Variants in DLGAP2 observed in about 807,000 individuals in gnomAD.
DLGAP2 encodes the protein disks large-associated protein 2.
Under a neutral mutation model 100.3 loss-of-function variants are expected in DLGAP2, and 26 were observed. The observed-to-expected ratio is 0.26, with a 90% confidence interval of 0.19 to 0.36. The LOEUF (loss-of-function observed/expected upper bound fraction) is 0.36, where lower values mean the gene tolerates loss of function less well. Ranked by LOEUF, DLGAP2 falls within the 10% of genes least tolerant of loss-of-function variation. DLGAP2 has a pLI of 1.00. For missense variants in DLGAP2, 1,858 were observed against 1,453.2 expected (o/e 1.28, Z -4.53); for synonymous variants, 886 against 630.1 (o/e 1.41, Z -6.08).
chr8:1,584,529 G>A (rs762621156), intron 6 of DLGAP2, among the ~76,000 whole-genome samples: 1 of 152,176 alleles, frequency 6.6e-6, no homozygotes, highest in Non-Finnish European at 1.5e-5. Flanking sequence ...GGAGGGAAGC[G>A]GAGGGGAGAT....
chr8:1,234,900 G>T (rs964975782), intron 2 of DLGAP2, among the ~76,000 whole-genome samples: 3 of 152,078 alleles, frequency 2.0e-5, no homozygotes, highest in African/African-American at 7.2e-5. Context: ...TCCCTCTCAC[G>T]TGGCGCCATA....
At chr8:1,124,202 C>T (rs1796113987) in intron 2 of DLGAP2, among the ~76,000 whole-genome samples, 2 of 152,178 alleles carry the variant, frequency 1.3e-5, no homozygotes, top group African/African-American at 4.8e-5. Context: ...GAACATAGTC[C>T]TTGGTTTCCA....
At chr8:1,645,913 A>C (rs1160216448) in intron 8 of DLGAP2, among the ~76,000 whole-genome samples, 5 of 152,220 alleles carry the variant, frequency 3.3e-5, no homozygotes, top group Admixed American at 6.5e-5. Flanking sequence ...CCAACACGTC[A>C]TATTCCAGCC....
chr8:1,211,200 T>C (rs1259291516), intron 2 of DLGAP2, among the ~76,000 whole-genome samples: 1 of 152,220 alleles, frequency 6.6e-6, no homozygotes, highest in African/African-American at 2.4e-5. Context: ...GCCACCGACC[T>C]GCGGATCCTC....
At position 1,335,223 on chromosome 8, in the gene DLGAP2, A is replaced by G. The variant is rs537826017; in HGVS notation, c.106+76340A>G. On this transcript the variant is annotated intron_variant, in intron 3 of 14. Transcript: ENST00000637795. ...TCTCTCAGTCTACACCGAAGCCATCAGGAGGCTTCGAGCTCCAAACCAGCT... is the reference window on the plus strand; with the variant it reads ...TCTCTCAGTCTACACCGAAGCCATCGGGAGGCTTCGAGCTCCAAACCAGCT... Among the ~76,000 whole-genome samples, 4 of 152,334 alleles carry G rather than the reference A, an allele frequency of 2.6e-5. No individual in the cohort carries two copies. The South Asian group carries it at 8.3e-4, about 32-fold the overall frequency.
intron 1 of DLGAP2, among the ~76,000 whole-genome samples, chr8:842,851 T>C (rs1380140209): frequency 6.6e-6 from 1 of 152,234 alleles, no homozygotes; most frequent in Non-Finnish European, 1.5e-5. Context: ...TAAACGTTTT[T>C]CCCTGAGTTC....
chr8:1,536,714 T>A (rs948118885), intron 4 of DLGAP2, among the ~76,000 whole-genome samples: 1 of 152,220 alleles, frequency 6.6e-6, no homozygotes, highest in African/African-American at 2.4e-5. Context: ...TGGTCTCATA[T>A]TCATTTTGTC....
chr8:1,522,433 G>A (rs527277741), intron 4 of DLGAP2, among the ~76,000 whole-genome samples: 1 of 152,334 alleles, frequency 6.6e-6, no homozygotes, highest in South Asian at 2.1e-4. Flanking sequence ...ACCTCCTTTT[G>A]CTCAGAGCAC....
At chr8:830,045 G>A (rs1199027845) in intron 1 of DLGAP2, among the ~76,000 whole-genome samples, 1 of 152,150 alleles carries the variant, frequency 6.6e-6, no homozygotes, top group African/African-American at 2.4e-5. Flanking sequence ...CAAAAGATGT[G>A]GAGATTTTTA....
In DLGAP2 at chr8:766,820, G is replaced by A. The variant is rs181426291; in HGVS notation, c.18+28995G>A. ...GGACACTGTGTCCATCCTGAGGCTC[G>A]GCCAAAAGTGGTCTAAGAGCTGCTT... On this transcript the variant is annotated intron_variant, in intron 1 of 14. Coordinates refer to ENST00000637795, the MANE Select transcript of DLGAP2 (RefSeq NM_001346810.2). Among the ~76,000 whole-genome samples, 1,109 of 152,202 alleles carry A rather than the reference G, an allele frequency of 7.3e-3. 11 individuals carry two copies. The highest frequency in any genetic ancestry group is 0.011 in the Non-Finnish European group (778 of 68,000).
chr8:1,578,308 G>A (rs527510576), intron 6 of DLGAP2, among the ~76,000 whole-genome samples: 1 of 152,180 alleles, frequency 6.6e-6, no homozygotes, highest in Non-Finnish European at 1.5e-5. Context: ...TGGGAAGATC[G>A]ACTTGCTAAT....
chr8:1,284,314 T>C (rs1799879239), intron 3 of DLGAP2, among the ~76,000 whole-genome samples: 1 of 152,182 alleles, frequency 6.6e-6, no homozygotes, highest in Admixed American at 6.5e-5. Context: ...CTGTCTGGAT[T>C]CTGCTGTGCA....
intron 2 of DLGAP2, among the ~76,000 whole-genome samples, chr8:1,094,347 T>C (rs1804295932): frequency 6.6e-6 from 1 of 152,230 alleles, no homozygotes. Context: ...CTAACGGAGT[T>C]AGAAAGTCAC....
intron 2 of DLGAP2, among the ~76,000 whole-genome samples, chr8:1,083,926 A>G (rs998916490): frequency 2.0e-5 from 3 of 152,244 alleles, no homozygotes; most frequent in Non-Finnish European, 4.4e-5. Flanking sequence ...ATGCAAAATC[A>G]TAACTTTTTA....
In DLGAP2 at chr8:1,350,518, C is replaced by T. The variant is rs866257230; in HGVS notation, c.106+91635C>T. On this transcript the variant is annotated intron_variant, in intron 3 of 14. Transcript: ENST00000637795. Reference sequence around the variant, plus strand: ...CCTGACTGTGCGTGGAAAGGCCGTGCGGGTCCTGACAGTGCGTGGAAAGGC... The same window carrying T: ...CCTGACTGTGCGTGGAAAGGCCGTGTGGGTCCTGACAGTGCGTGGAAAGGC... Among the ~76,000 whole-genome samples, 19 of 83,396 alleles carry T rather than the reference C, an allele frequency of 2.3e-4. 1 individual carries two copies. The highest frequency in any genetic ancestry group is 8.0e-4 in the African/African-American group (16 of 19,926). The allele number at this position is 83,396 out of a possible 152,430, so 54.7% of individuals were successfully genotyped here.
rs758718171 is a variant in DLGAP2 at position 1,549,539 on chromosome 8, C to T, written c.1086C>T (p.Asp362=). ...GTGAGGGGTTGGCGCTGACGCCCGA[C>T]GCCAAGTACCTGAAGCGCAGCTCCT... ...SACEGLALTP[D]AKYLKRSSWS... The change falls in exon 5 of 15, where the codon GAC becomes GAT. Residue 362 remains aspartate (D), a synonymous_variant. Transcript: ENST00000637795. The T allele has an allele frequency of 6.2e-6, 10 of 1,613,370 alleles. No homozygotes were observed. The highest frequency in any genetic ancestry group is 1.6e-4 in the Middle Eastern group (1 of 6,062).
chr8:1,468,642 G>C (rs945660681), intron 3 of DLGAP2, among the ~76,000 whole-genome samples: 4 of 152,206 alleles, frequency 2.6e-5, no homozygotes, highest in Non-Finnish European at 5.9e-5. Context: ...TTTGGGGCCA[G>C]TGCATTCCTC....
At chr8:1,049,257 G>A (rs1310516896) in intron 2 of DLGAP2, among the ~76,000 whole-genome samples, 2 of 152,160 alleles carry the variant, frequency 1.3e-5, no homozygotes, top group Non-Finnish European at 1.5e-5. Context: ...CGGGGGAAAT[G>A]TATAATAAAA....
At chr8:1,227,565 C>G (rs1438107605) in intron 2 of DLGAP2, among the ~76,000 whole-genome samples, 3 of 151,778 alleles carry the variant, frequency 2.0e-5, no homozygotes, top group Non-Finnish European at 4.4e-5. Context: ...ACAATCCTGG[C>G]TCACTGCAAA....
Sources: allele counts gnomAD v4.1 joint callset (sites outside exome capture counted in the v4.1 genomes callset), GRCh38; gene constraint gnomAD v4.1.1; transcripts MANE v1.5; gene names NCBI Gene and HGNC (gene_info 2026-07-23, HGNC 2026-07-21).